SYT1: variants seen among roughly 807,000 people sequenced by gnomAD.
The protein encoded by SYT1 is synaptotagmin-1.
SYT1 carries 8 observed loss-of-function variants against 44.8 expected under a neutral mutation model. That is an observed-to-expected ratio of 0.18 (90% CI 0.10 to 0.32). The LOEUF is 0.32. Ranked by LOEUF, SYT1 falls within the 10% of genes least tolerant of loss-of-function variation. The probability of loss-of-function intolerance (pLI) is 1.00; values close to 1 mark genes in which losing one functional copy is unlikely to be tolerated. For missense variants in SYT1, 286 were observed against 509.3 expected, an observed-to-expected ratio of 0.56 and a Z score of 4.22; for synonymous variants, 154 against 188.8, an observed-to-expected ratio of 0.82 and a Z score of 1.51.
intron 8 of SYT1, among the ~76,000 whole-genome samples, chr12:79,339,869 G>A (rs1189498832): frequency 1.3e-5 from 2 of 152,192 alleles, no homozygotes; most frequent in Non-Finnish European, 2.9e-5. Context: ...AAGGGATCCA[G>A]TTTCAGCTTT....
At chr12:78,929,529 G>GTTTGATT (rs1284327843) in intron 1 of SYT1, among the ~76,000 whole-genome samples, 1 of 146,642 alleles carries the variant, frequency 6.8e-6, no homozygotes, top group East Asian at 2.0e-4. Context: ...AATTTATGTA[G>GTTTGATT]TGTTTGAATG....
chr12:79,386,777 T>C (rs1047106001), intron 9 of SYT1, among the ~76,000 whole-genome samples: 4 of 152,182 alleles, frequency 2.6e-5, no homozygotes, highest in African/African-American at 9.7e-5. Context: ...GTCTCCTCAA[T>C]GCCTAGCCTC....
chr12:79,181,796 T>G (rs1260215829), intron 3 of SYT1, among the ~76,000 whole-genome samples: 2 of 152,054 alleles, frequency 1.3e-5, no homozygotes, highest in Non-Finnish European at 1.5e-5. Flanking sequence ...ATAACCTTAG[T>G]TTTTAGTTCA....
chr12:79,231,800 T>TAATC (rs1190129681), intron 4 of SYT1, among the ~76,000 whole-genome samples: 1 of 152,230 alleles, frequency 6.6e-6, no homozygotes, highest in African/African-American at 2.4e-5. Context: ...ACTGCTGTTA[T>TAATC]AATCACGCAA....
chr12:79,250,685 T>C (rs1395226305), intron 4 of SYT1, among the ~76,000 whole-genome samples: 2 of 152,208 alleles, frequency 1.3e-5, no homozygotes, highest in African/African-American at 4.8e-5. Flanking sequence ...GGATGATCTA[T>C]GAATTGTATT....
At position 79,349,131 on chromosome 12, in the gene SYT1, A is replaced by G. The variant is rs114869960; in HGVS notation, c.811-4371A>G. Among the ~76,000 whole-genome samples, 343 of 148,738 alleles carry G rather than the reference A, an allele frequency of 2.3e-3. 4 individuals are homozygous for G. Among genetic ancestry groups the G allele is most frequent in the African/African-American group, 7.1e-3 (279 of 39,270 alleles). On this transcript the variant is annotated intron_variant, in intron 8 of 10. Coordinates refer to ENST00000261205, the MANE Select transcript of SYT1 (RefSeq NM_005639.3). ...AACAGGAGGAAGGGAGGAAGGTAGG[A>G]AGGAAGAGGAAGGAAGGAAGAAAAG...
intron 2 of SYT1, among the ~76,000 whole-genome samples, chr12:79,038,868 T>C (rs1248488064): frequency 6.6e-6 from 1 of 151,926 alleles, no homozygotes; most frequent in Non-Finnish European, 1.5e-5. Flanking sequence ...TCAAATAAAA[T>C]CAATATTCTC....
At chr12:79,149,209 A>T (rs920559321) in intron 3 of SYT1, among the ~76,000 whole-genome samples, 5 of 152,064 alleles carry the variant, frequency 3.3e-5, no homozygotes, top group African/African-American at 4.8e-5. Flanking sequence ...TTTGAATTAT[A>T]GACCCCTTCT....
At chr12:79,360,773 T>C (rs184465792) in intron 9 of SYT1, among the ~76,000 whole-genome samples, 6 of 152,310 alleles carry the variant, frequency 3.9e-5, no homozygotes, top group African/African-American at 1.4e-4. Flanking sequence ...ATTACAATAT[T>C]GATAAAATAA....
At chr12:79,132,772 A>G (rs933364136) in intron 3 of SYT1, among the ~76,000 whole-genome samples, 1 of 151,886 alleles carries the variant, frequency 6.6e-6, no homozygotes, top group Admixed American at 6.6e-5. Flanking sequence ...AAAGGAAATC[A>G]GTATATCAAA....
At chr12:78,945,106 C>T (rs1878579750) in intron 1 of SYT1, among the ~76,000 whole-genome samples, 1 of 152,116 alleles carries the variant, frequency 6.6e-6, no homozygotes, top group Admixed American at 6.5e-5. Context: ...TTAGTAAAAC[C>T]AGTTTAAAAG....
At chr12:78,914,523 G>C (rs977764145) in intron 1 of SYT1, among the ~76,000 whole-genome samples, 1 of 151,914 alleles carries the variant, frequency 6.6e-6, no homozygotes, top group Non-Finnish European at 1.5e-5. Flanking sequence ...ATAGATGATA[G>C]ATATGTGAGT....
At chr12:78,911,050 G>T (rs1876291873) in intron 1 of SYT1, among the ~76,000 whole-genome samples, 1 of 151,986 alleles carries the variant, frequency 6.6e-6, no homozygotes, top group South Asian at 2.1e-4. Context: ...ACTGAAAGGT[G>T]TTGAACAAGA....
intron 4 of SYT1, among the ~76,000 whole-genome samples, chr12:79,221,667 G>GA (rs772381062): frequency 6.6e-6 from 1 of 151,990 alleles, no homozygotes; most frequent in Admixed American, 6.6e-5. Flanking sequence ...CTTTGATCAT[G>GA]AAAAAACCTC....
At chr12:79,312,485 A>G (rs976480994) in intron 8 of SYT1, among the ~76,000 whole-genome samples, 3 of 152,134 alleles carry the variant, frequency 2.0e-5, no homozygotes, top group African/African-American at 7.2e-5. Context: ...CCCACACTGG[A>G]TAGAATTTAA....
intron 9 of SYT1, among the ~76,000 whole-genome samples, chr12:79,399,198 T>A (rs1471284044): frequency 6.6e-6 from 1 of 152,190 alleles, no homozygotes; most frequent in Non-Finnish European, 1.5e-5. Flanking sequence ...CTTTTCCTTG[T>A]TCTTTTCAAG....
chr12:79,011,449 C>G (rs1047541739), intron 2 of SYT1, among the ~76,000 whole-genome samples: 29 of 151,746 alleles, frequency 1.9e-4, no homozygotes, highest in Admixed American at 6.6e-5. Context: ...AACATTTCAT[C>G]AGAGACCCTA....
chr12:79,048,608 A>C, intron 3 of SYT1, among the ~76,000 whole-genome samples: 2 of 152,048 alleles, frequency 1.3e-5, no homozygotes, highest in South Asian at 4.1e-4. Context: ...GAAATCTATA[A>C]AATTTATAAT....
At chr12:79,299,236 A>G in intron 7 of SYT1, 148 bp from the exon 8 acceptor site, 4 of 842,618 alleles carry the variant, frequency 4.7e-6, no homozygotes, top group South Asian at 1.8e-5. Flanking sequence ...CAGTTTGTCA[A>G]AAGTCTGAAT....
Sources: allele counts gnomAD v4.1 joint callset (sites outside exome capture counted in the v4.1 genomes callset), GRCh38; gene constraint gnomAD v4.1.1; transcripts MANE v1.5; gene names NCBI Gene and HGNC (gene_info 2026-07-23, HGNC 2026-07-21).